Variants in UACA observed in about 807,000 individuals in gnomAD.
UACA encodes uveal autoantigen with coiled-coil domains and ankyrin repeats, also known as nuclear membrane binding protein.
Under a neutral mutation model 160.5 loss-of-function variants are expected in UACA, and 112 were observed. That is an observed-to-expected ratio of 0.70 (90% CI 0.60 to 0.82). The LOEUF (loss-of-function observed/expected upper bound fraction) is 0.82. UACA is among the 40% of genes least tolerant of loss of function. The probability of loss-of-function intolerance (pLI) is 0.00; values close to 1 mark genes in which losing one functional copy is unlikely to be tolerated. For synonymous variants in UACA, 557 were observed against 568.4 expected (o/e 0.98, Z 0.29); for missense variants, 1,574 against 1,614.6 (o/e 0.97, Z 0.43).
In UACA at chr15:70,729,844, G is replaced by A. The variant is rs535897186; in HGVS notation, c.79-30184C>T. On this transcript the variant is annotated intron_variant, in intron 1 of 18. Transcript: ENST00000322954. ...AGTGGGTCCCTGACTCCTGACCCCC[G>A]AGCAGCCTAACTGGGAGGCACCCCC... 4.0e-4 allele frequency among the ~76,000 whole-genome samples: 52 copies of A among 130,572 alleles called. 2 individuals carry two copies. The highest frequency in any genetic ancestry group is 2.7e-3 in the South Asian group (11 of 4,058). 85.7% of individuals were successfully genotyped at this position (130,572 alleles called of 152,430 possible). A position where few individuals can be genotyped will look rare whatever the true frequency, so the allele number is the denominator to read the frequency against.
chr15:70,677,020 A>G, intron 12 of UACA, 88 bp downstream of exon 12: 1 of 967,460 alleles, frequency 1.0e-6, no homozygotes, highest in Middle Eastern at 2.2e-4. Flanking sequence ...CCTGGTCTCT[A>G]TCTCAATTCA....
At chr15:70,704,487 G>C (rs746914008) in intron 1 of UACA, among the ~76,000 whole-genome samples, 3 of 152,058 alleles carry the variant, frequency 2.0e-5, no homozygotes, top group South Asian at 4.1e-4. Context: ...AAATCCACTG[G>C]ACTCCTCAAA....
chr15:70,655,691 T>C lies in UACA; in HGVS notation c.*1365A>G, dbSNP rs1189296104. 1 of 152,248 alleles carries C rather than the reference T, an allele frequency of 6.6e-6. No individual in the cohort carries two copies. The highest frequency in any genetic ancestry group is 1.5e-5 in the Non-Finnish European group (1 of 68,050). The allele number at this position is 152,248 out of a possible 1,614,324, so 9.4% of individuals were successfully genotyped here. ...AAACAAATCCAATTCTGACTTTCAATGTTGTTTCAACACCGAAAAAATATG... is the reference window on the plus strand; with the variant it reads ...AAACAAATCCAATTCTGACTTTCAACGTTGTTTCAACACCGAAAAAATATG... On this transcript the variant is annotated 3_prime_UTR_variant, in exon 19 of 19. Transcript: ENST00000322954.
At chr15:70,706,929 T>G (rs1367421005) in intron 1 of UACA, among the ~76,000 whole-genome samples, 3 of 152,084 alleles carry the variant, frequency 2.0e-5, no homozygotes, top group Non-Finnish European at 4.4e-5. Context: ...TTTGCAGAAA[T>G]AGAAAAGTAA....
At chr15:70,716,524 A>G (rs1898825958) in intron 1 of UACA, among the ~76,000 whole-genome samples, 1 of 152,220 alleles carries the variant, frequency 6.6e-6, no homozygotes, top group African/African-American at 2.4e-5. Flanking sequence ...CACTAACTAC[A>G]GCTGCAAGTA....
chr15:70,658,744 G>A (rs1028818581), intron 18 of UACA, among the ~76,000 whole-genome samples: 1 of 151,960 alleles, frequency 6.6e-6, no homozygotes, highest in Non-Finnish European at 1.5e-5. Context: ...ACTTAAATAG[G>A]TTTCAGCACA....
chr15:70,698,228 G>A (rs190850476), intron 2 of UACA, among the ~76,000 whole-genome samples: 130 of 152,098 alleles, frequency 8.5e-4, no homozygotes, highest in African/African-American at 3.0e-3. Context: ...AAAAACTCAA[G>A]CCACCAGTCA....
At chr15:70,754,009 T>C (rs981100256) in intron 1 of UACA, 2 of 404,714 alleles carry the variant, frequency 4.9e-6, no homozygotes, top group Non-Finnish European at 9.8e-6. Flanking sequence ...TTTCATCATG[T>C]TGCCCAGGCT....
intron 3 of UACA, among the ~76,000 whole-genome samples, chr15:70,693,021 G>C (rs1897994556): frequency 6.6e-6 from 1 of 152,146 alleles, no homozygotes. Context: ...TCAATCAGAT[G>C]TGATCATTTC....
chr15:70,717,408 G>A (rs181759378), intron 1 of UACA, among the ~76,000 whole-genome samples: 39 of 152,260 alleles, frequency 2.6e-4, no homozygotes, highest in African/African-American at 9.1e-4. Context: ...AAGTATTTTA[G>A]ACTTTGCAGG....
rs563220319 is a variant in UACA at position 70,713,123 on chromosome 15, T to C, written c.79-13463A>G. 3.3e-5 allele frequency among the ~76,000 whole-genome samples: 5 copies of C among 152,148 alleles called. No individual in the cohort carries two copies. In the South Asian group the frequency reaches 1.0e-3, roughly 32 times the overall value. On this transcript the variant is annotated intron_variant, in intron 1 of 18. Coordinates refer to ENST00000322954, the MANE Select transcript of UACA (RefSeq NM_018003.4). The stretch of plus-strand genomic sequence containing the variant: ...ACTTTGGGAGGCCGAGGCGGGCGGA[T>C]CATGAGGTCAGGAGATTGAGACCAT...
intron 1 of UACA, chr15:70,748,847 G>A (rs1899791744): frequency 6.6e-6 from 1 of 152,324 alleles, no homozygotes; most frequent in Non-Finnish European, 1.5e-5. Context: ...GTATTTCATG[G>A]ATGTGACAAA....
the UACA span, among the ~76,000 whole-genome samples, chr15:70,769,984 G>A: frequency 6.6e-6 from 1 of 152,126 alleles, no homozygotes; most frequent in Non-Finnish European, 1.5e-5. Context: ...GCAACACAGC[G>A]AGACTCCCTC....
At chr15:70,677,277 A>C in intron 11 of UACA, 137 bp from the exon 12 acceptor site, 1 of 597,154 alleles carries the variant, frequency 1.7e-6, no homozygotes, top group Non-Finnish European at 2.9e-6. Context: ...AAAATTATGT[A>C]CAATTCTGTT....
chr15:70,661,929 C>T (rs923517728), intron 17 of UACA, among the ~76,000 whole-genome samples: 25 of 152,308 alleles, frequency 1.6e-4, no homozygotes, highest in Admixed American at 1.4e-3. Context: ...AAACTGGAAG[C>T]ATTCCCTTTG....
At chr15:70,771,094 C>A in the UACA span, among the ~76,000 whole-genome samples, 1 of 152,180 alleles carries the variant, frequency 6.6e-6, no homozygotes, top group African/African-American at 2.4e-5. Context: ...GCGGTCTATG[C>A]CAGAATGTTA....
intron 1 of UACA, among the ~76,000 whole-genome samples, chr15:70,704,634 T>C (rs917678919): frequency 3.9e-5 from 6 of 152,146 alleles, no homozygotes; most frequent in South Asian, 2.1e-4. Flanking sequence ...AGGATAACAA[T>C]AGAGAACCTA....
intron 10 of UACA, among the ~76,000 whole-genome samples, chr15:70,678,782 T>C (rs973396002): frequency 7.9e-4 from 121 of 152,316 alleles, no homozygotes; most frequent in African/African-American, 2.6e-3. Context: ...TAATATTCTT[T>C]GGAAACTTTG....
intron 1 of UACA, chr15:70,758,255 T>C (rs557694789): frequency 2.2e-4 from 34 of 152,206 alleles, no homozygotes; most frequent in African/African-American, 7.0e-4. Flanking sequence ...AGGGTGAGGG[T>C]TGAAATCAAA....
Sources: gnomAD v4.1 joint callset for allele counts (sites outside exome capture counted in the v4.1 genomes callset) on GRCh38, gnomAD v4.1.1 for gene constraint, MANE v1.5 for transcripts, NCBI Gene and HGNC (gene_info 2026-07-23, HGNC 2026-07-21) for gene names.